The following PALLD variants were observed in gnomAD, a reference collection of about 807,000 sequenced individuals.
PALLD encodes palladin, cytoskeletal associated protein.
A neutral mutation model predicts 123.5 loss-of-function variants in PALLD; 61 were observed. The observed-to-expected ratio is 0.49, with a 90% CI of 0.40 to 0.61. The LOEUF is 0.61. Ranked by LOEUF, PALLD falls within the 20% of genes least tolerant of loss-of-function variation. The probability of loss-of-function intolerance (pLI) is 0.00; values close to 1 mark genes in which losing one functional copy is unlikely to be tolerated. For synonymous variants in PALLD, 465 were observed against 496.4 expected (o/e 0.94, Z 0.84); for missense variants, 1,273 against 1,377.0 (o/e 0.92, Z 1.20).
Position 168,511,714 on chromosome 4 carries a change from T to G in PALLD, c.210T>G (p.Thr70=). 1 of 1,614,176 alleles carries G rather than the reference T, an allele frequency of 6.2e-7. No individual in the cohort carries two copies. The highest frequency in any genetic ancestry group is 1.3e-5 in the African/African-American group (1 of 75,050). ...SEKEISQIFS[T]SPASLCEHPS... Reference sequence around the variant, plus strand: ...AGGAGATCTCGCAGATTTTCAGTACTTCTCCTGCAAGCCTCTGTGAACATC... The same window carrying G: ...AGGAGATCTCGCAGATTTTCAGTACGTCTCCTGCAAGCCTCTGTGAACATC... The change falls in exon 2 of 22, where the codon ACT becomes ACG. Residue 70 remains threonine (T), a synonymous_variant. Coordinates refer to ENST00000505667, the MANE Select transcript of PALLD (RefSeq NM_001166108.2).
chr4:168,867,103 C>A (rs531055031), intron 10 of PALLD, among the ~76,000 whole-genome samples: 2 of 152,318 alleles, frequency 1.3e-5, no homozygotes, highest in Admixed American at 1.3e-4. Flanking sequence ...TAATCTTGGA[C>A]AACTTACTAT....
chr4:168,553,144 G>A (rs1766918660), intron 2 of PALLD, among the ~76,000 whole-genome samples: 1 of 152,100 alleles, frequency 6.6e-6, no homozygotes, highest in Non-Finnish European at 1.5e-5. Flanking sequence ...AGTCACCCAA[G>A]CTTACTTAGC....
In PALLD at chr4:168,546,690, G is replaced by C. The variant is rs191491290; in HGVS notation, c.908+34278G>C. On this transcript the variant is annotated intron_variant, in intron 2 of 21. Coordinates refer to ENST00000505667, the MANE Select transcript of PALLD (RefSeq NM_001166108.2). ...AGTTTTTGAGGATACCCGCTGATACGTGTACTATAATCAAACATCGGTTTG... is the reference window on the plus strand; with the variant it reads ...AGTTTTTGAGGATACCCGCTGATACCTGTACTATAATCAAACATCGGTTTG... Among the ~76,000 whole-genome samples the C allele has an allele frequency of 2.5e-3, 379 of 152,254 alleles. 5 individuals carry two copies. The highest frequency in any genetic ancestry group is 8.5e-3 in the African/African-American group (355 of 41,540).
chr4:168,659,469 A>C (rs551925569), intron 2 of PALLD, among the ~76,000 whole-genome samples: 2 of 152,310 alleles, frequency 1.3e-5, no homozygotes, highest in South Asian at 4.1e-4. Flanking sequence ...ATCACCCGTG[A>C]CATCCCTTTG....
Position 168,877,761 on chromosome 4 carries a change from G to A in PALLD, c.1965-13161G>A, listed in dbSNP as rs1751953994. ...CTCCAGCAACTCCAGAACCAAATCC[G>A]ACTGGAGCAGGAGGCCGGCGCTCGG... On this transcript the variant is annotated intron_variant, in intron 10 of 21. Transcript: ENST00000505667. 3.4e-6 allele frequency: 4 copies of A among 1,182,586 alleles called. No individual in the cohort carries two copies. In the South Asian group the frequency reaches 1.1e-4, roughly 33 times the overall value. The allele number at this position is 1,182,586 out of a possible 1,614,324, so 73.3% of individuals were successfully genotyped here.
intron 2 of PALLD, among the ~76,000 whole-genome samples, chr4:168,538,184 G>A (rs1360005524): frequency 1.3e-5 from 2 of 152,272 alleles, no homozygotes; most frequent in Non-Finnish European, 2.9e-5. Flanking sequence ...GAAGCAAAAC[G>A]GGAATGATAA....
chr4:168,713,726 TGTGA>T (rs1407963999), intron 10 of PALLD, among the ~76,000 whole-genome samples: 1 of 151,680 alleles, frequency 6.6e-6, no homozygotes, highest in Non-Finnish European at 1.5e-5. Flanking sequence ...AGGATTTGCT[TGTGA>T]GTGAGATAAA....
chr4:168,628,564 A>G (rs1487545087), intron 2 of PALLD, among the ~76,000 whole-genome samples: 1 of 152,044 alleles, frequency 6.6e-6, no homozygotes, highest in Non-Finnish European at 1.5e-5. Context: ...CTGGATCACC[A>G]TACTCTCCAA....
intron 10 of PALLD, among the ~76,000 whole-genome samples, chr4:168,810,837 G>A (rs923005201): frequency 1.3e-5 from 2 of 148,528 alleles, no homozygotes; most frequent in Admixed American, 1.3e-4. Context: ...GAAAAAAAAA[G>A]AAGAAGAAGA....
intron 2 of PALLD, among the ~76,000 whole-genome samples, chr4:168,564,403 T>C (rs1358969481): frequency 6.6e-6 from 1 of 152,256 alleles, no homozygotes; most frequent in Non-Finnish European, 1.5e-5. Flanking sequence ...TACATTTATT[T>C]CTTTGTCTAC....
At chr4:168,620,762 C>T (rs1317534217) in intron 2 of PALLD, among the ~76,000 whole-genome samples, 1 of 152,172 alleles carries the variant, frequency 6.6e-6, no homozygotes, top group East Asian at 1.9e-4. Context: ...ACTTCAGATG[C>T]AGACCCTCAC....
chr4:168,734,764 A>G (rs916398722), intron 10 of PALLD, among the ~76,000 whole-genome samples: 1 of 152,116 alleles, frequency 6.6e-6, no homozygotes, highest in Non-Finnish European at 1.5e-5. Flanking sequence ...AAAAGGAGAG[A>G]AGGAGGAGGA....
intron 10 of PALLD, among the ~76,000 whole-genome samples, chr4:168,797,298 C>T (rs1738645897): frequency 6.6e-6 from 1 of 152,040 alleles, no homozygotes; most frequent in Admixed American, 6.5e-5. Flanking sequence ...TTTTTGACTT[C>T]TAATCTCCTT....
In PALLD at chr4:168,926,594, C is replaced by T; in HGVS notation, c.*414C>T. ...AAATATACACATTGCACAGAAAATA[C>T]ACATTTACTGTCCAATTTAAAACTT... On this transcript the variant is annotated 3_prime_UTR_variant, in exon 22 of 22. Coordinates refer to ENST00000505667, the MANE Select transcript of PALLD (RefSeq NM_001166108.2). The T allele has an allele frequency of 2.1e-6, 1 of 475,130 alleles. No homozygotes were observed. Among genetic ancestry groups the T allele is most frequent in the Non-Finnish European group, 3.7e-6 (1 of 268,528 alleles). The allele number at this position is 475,130 out of a possible 1,614,324, so 29.4% of individuals were successfully genotyped here.
Position 168,761,609 on chromosome 4 carries a change from C to T in PALLD, c.1964+49686C>T, listed in dbSNP as rs147089341. ...CTGAGTAGTGGGGACTACACGCACA[C>T]ACCACCACGCCCAGCTATTTTTGTT... is the stretch of plus-strand genomic sequence containing the variant. On this transcript the variant is annotated intron_variant, in intron 10 of 21. Coordinates refer to ENST00000505667, the MANE Select transcript of PALLD (RefSeq NM_001166108.2). Among the ~76,000 whole-genome samples the T allele has an allele frequency of 3.8e-3, 564 of 149,764 alleles. 5 individuals carry two copies. The highest frequency in any genetic ancestry group is 6.8e-3 in the Non-Finnish European group (459 of 67,608).
chr4:168,859,949 T>C (rs1749197990), intron 10 of PALLD, among the ~76,000 whole-genome samples: 1 of 152,212 alleles, frequency 6.6e-6, no homozygotes, highest in Non-Finnish European at 1.5e-5. Flanking sequence ...TTTTCCAATA[T>C]CTTTTTAAAC....
intron 10 of PALLD, among the ~76,000 whole-genome samples, chr4:168,791,934 T>TC (rs1382249687): frequency 6.6e-6 from 1 of 152,058 alleles, no homozygotes; most frequent in Non-Finnish European, 1.5e-5. Context: ...AAAACTGCTT[T>TC]CCCCCTCCCA....
rs529301993 is a variant in PALLD, at chr4:168,796,844, C to G, written c.1964+84921C>G. Among the ~76,000 whole-genome samples the G allele has an allele frequency of 7.2e-5, 11 of 152,244 alleles. No homozygotes were observed. The South Asian group carries it at 2.3e-3, about 32-fold the overall frequency. On this transcript the variant is annotated intron_variant, in intron 10 of 21. Coordinates refer to ENST00000505667, the MANE Select transcript of PALLD (RefSeq NM_001166108.2). Reference sequence around the variant, plus strand: ...AATTTGTTATAGAAAACACATTTTACCTTCCTTGTCTCCTAATTCGAGGTC... The same window carrying G: ...AATTTGTTATAGAAAACACATTTTAGCTTCCTTGTCTCCTAATTCGAGGTC...
chr4:168,527,230 C>T (rs186219175), intron 2 of PALLD, among the ~76,000 whole-genome samples: 3 of 152,170 alleles, frequency 2.0e-5, no homozygotes, highest in Admixed American at 6.5e-5. Context: ...CAAGACCAGC[C>T]TGACCAACAC....
Sources: allele counts gnomAD v4.1 joint callset (sites outside exome capture counted in the v4.1 genomes callset), GRCh38; gene constraint gnomAD v4.1.1; transcripts MANE v1.5; gene names NCBI Gene and HGNC (gene_info 2026-07-23, HGNC 2026-07-21).